The following GRAP variants were observed in gnomAD, a reference collection of about 807,000 sequenced individuals.
GRAP encodes the protein GRB2-related adapter protein.
GRAP carries 2 observed loss-of-function variants against 9.1 expected under a neutral mutation model. The observed-to-expected ratio is 0.22, with a 90% CI of 0.09 to 0.69. The LOEUF (loss-of-function observed/expected upper bound fraction) is 0.69. Among genes scored for constraint, GRAP ranks in the 30% least tolerant of loss-of-function variants. GRAP has a pLI of 0.81. For missense variants in GRAP, 113 were observed against 179.4 expected (o/e 0.63, Z 2.12); for synonymous variants, 68 against 73.6 (o/e 0.92, Z 0.39).
Position 19,021,791 on chromosome 17 carries a change from G to T in GRAP, c.*168C>A. On this transcript the variant is annotated 3_prime_UTR_variant, in exon 5 of 5. Transcript: ENST00000284154. This position sits in a 1 kb window ranked among gnomAD's most constrained non-coding sequence, Gnocchi z 4.1. The stretch of plus-strand genomic sequence containing the variant: ...CTGGGTACCCTTGCTGGGGGACCTG[G>T]GCCATCCCAGTTTGTGCAGAGCGGC... 1 of 580,326 alleles carries T rather than the reference G, an allele frequency of 1.7e-6. No homozygotes were observed. The highest frequency in any genetic ancestry group is 2.6e-6 in the Non-Finnish European group (1 of 384,548). 35.9% of individuals were successfully genotyped at this position (580,326 alleles called of 1,614,324 possible).
rs1223833935 is a variant in GRAP at position 19,027,488 on chromosome 17, A to G, written c.300-3105T>C. On this transcript the variant is annotated intron_variant, in intron 3 of 4. Coordinates refer to ENST00000284154, the MANE Select transcript of GRAP (RefSeq NM_006613.4). ...GACACATGCGCGCGCGCGCGCGCAC[A>G]CACACACACACACACACACACACAC... Among the ~76,000 whole-genome samples, 126 of 135,086 alleles carry G rather than the reference A, an allele frequency of 9.3e-4. 1 individual carries two copies. The highest frequency in any genetic ancestry group is 4.9e-3 in the East Asian group (20 of 4,092). The allele number at this position is 135,086 out of a possible 152,430, so 88.6% of individuals were successfully genotyped here. A position where few individuals can be genotyped will look rare whatever the true frequency, so the allele number is the denominator to read the frequency against.
In GRAP at chr17:19,021,036, C is replaced by T. The variant is rs2044257004; in HGVS notation, c.*923G>A. On this transcript the variant is annotated 3_prime_UTR_variant, in exon 5 of 5. Coordinates refer to ENST00000284154, the MANE Select transcript of GRAP (RefSeq NM_006613.4). The surrounding 1 kb of genome is among the most constrained non-coding windows in gnomAD (Gnocchi z 4.1). ...GCCCTGCTCATATCCCTGATCATGG[C>T]ACATTCTCTGGAGGACCCTCCTGTT... The T allele has an allele frequency of 6.5e-6, 1 of 152,896 alleles. No homozygotes were observed. The highest frequency in any genetic ancestry group is 1.5e-5 in the Non-Finnish European group (1 of 68,590). The allele number at this position is 152,896 out of a possible 1,614,324, so 9.5% of individuals were successfully genotyped here. A position where few individuals can be genotyped will look rare whatever the true frequency, so the allele number is the denominator to read the frequency against.
At chr17:19,030,513 G>A (rs986805304) in intron 3 of GRAP, 2 of 98,298 alleles carry the variant, frequency 2.0e-5, no homozygotes, top group Admixed American at 1.4e-4. Context: ...GAGCTTGGGA[G>A]GGGCAGGACA....
rs763368287 is a variant in GRAP, at chr17:19,021,954, G to C, written c.*5C>G. On this transcript the variant is annotated 3_prime_UTR_variant, in exon 5 of 5. Coordinates refer to ENST00000284154, the MANE Select transcript of GRAP (RefSeq NM_006613.4). The surrounding 1 kb of genome is among the most constrained non-coding windows in gnomAD (Gnocchi z 4.1). ...GCCCGTTGGCCAGATCGGCCGCCGGGCTGCTCACAGGTGCACGGGCTGCAC... is the reference window on the plus strand; with the variant it reads ...GCCCGTTGGCCAGATCGGCCGCCGGCCTGCTCACAGGTGCACGGGCTGCAC... The C allele has an allele frequency of 1.9e-5, 29 of 1,519,636 alleles. No homozygotes were observed. The highest frequency in any genetic ancestry group is 2.8e-5 in the African/African-American group (2 of 71,330). 94.1% of individuals were successfully genotyped at this position (1,519,636 alleles called of 1,614,324 possible).
intron 3 of GRAP, among the ~76,000 whole-genome samples, chr17:19,025,699 G>A (rs2044310363): frequency 8.2e-6 from 1 of 121,526 alleles, no homozygotes; most frequent in African/African-American, 3.3e-5. Flanking sequence ...TGCAAGCTCC[G>A]CCTCCCAGGT....
upstream of GRAP, among the ~76,000 whole-genome samples, chr17:19,048,139 G>A (rs1597931431): frequency 9.1e-6 from 1 of 109,534 alleles, no homozygotes; most frequent in Non-Finnish European, 1.9e-5. Flanking sequence ...CAGCCTGGGT[G>A]ACAGAGCGAG....
chr17:19,025,340 C>T (rs1478898342), intron 3 of GRAP, among the ~76,000 whole-genome samples: 4 of 150,662 alleles, frequency 2.7e-5, no homozygotes, highest in Non-Finnish European at 3.0e-5. Context: ...TACAGGTGCC[C>T]GCCACCACGC....
At chr17:19,031,999 G>C (rs1480804706) in intron 3 of GRAP, 1 of 150,184 alleles carries the variant, frequency 6.7e-6, no homozygotes, top group African/African-American at 2.4e-5. Context: ...CACTTGGCCA[G>C]TATGCCTTGG....
rs1228703453 is a variant in GRAP, at chr17:19,024,704, G to A, written c.300-321C>T. On this transcript the variant is annotated intron_variant, in intron 3 of 4. Coordinates refer to ENST00000284154, the MANE Select transcript of GRAP (RefSeq NM_006613.4). The surrounding 1 kb of genome is among the most constrained non-coding windows in gnomAD (Gnocchi z 4.2). ...ATGATAACATCTCCGTTATGGATAAGTGCACAGTGACTGGCATATTGGCAA... is the reference window on the plus strand; with the variant it reads ...ATGATAACATCTCCGTTATGGATAAATGCACAGTGACTGGCATATTGGCAA... Among the ~76,000 whole-genome samples, 2 of 152,198 alleles carry A rather than the reference G, an allele frequency of 1.3e-5. No homozygotes were observed. Among genetic ancestry groups the A allele is most frequent in the African/African-American group, 4.8e-5 (2 of 41,452 alleles).
At chr17:19,050,806 A>T (rs1443039806), upstream of GRAP, among the ~76,000 whole-genome samples, 1 of 151,938 alleles carries the variant, frequency 6.6e-6, no homozygotes, top group South Asian at 2.1e-4. Context: ...TTTTTGAGAC[A>T]GAGTTTTGCT....
At chr17:19,025,188 T>C (rs1348197270) in intron 3 of GRAP, among the ~76,000 whole-genome samples, 1 of 144,436 alleles carries the variant, frequency 6.9e-6, no homozygotes. Context: ...TTTTTTCTTT[T>C]CTTTTCTTTT....
At chr17:19,022,812 A>G (rs2044283476) in intron 4 of GRAP, among the ~76,000 whole-genome samples, 1 of 152,208 alleles carries the variant, frequency 6.6e-6, no homozygotes, top group Non-Finnish European at 1.5e-5. Context: ...GCCCACCAAG[A>G]TCTCAGCTCT....
chr17:19,025,198 T>TC (rs972717297), intron 3 of GRAP, among the ~76,000 whole-genome samples: 1 of 146,584 alleles, frequency 6.8e-6, no homozygotes, highest in Non-Finnish European at 1.5e-5. Flanking sequence ...TCTTTTCTTT[T>TC]TTTTTTTTTT....
upstream of GRAP, among the ~76,000 whole-genome samples, chr17:19,048,944 G>GC (rs1208414632): frequency 7.6e-5 from 11 of 145,052 alleles, 1 homozygote; most frequent in East Asian, 6.3e-4. Flanking sequence ...ATGTTATAAG[G>GC]CCCCTCTTTC....
At chr17:19,022,811 G>T (rs2044283410) in intron 4 of GRAP, among the ~76,000 whole-genome samples, 1 of 152,210 alleles carries the variant, frequency 6.6e-6, no homozygotes, top group African/African-American at 2.4e-5. Flanking sequence ...TGCCCACCAA[G>T]ATCTCAGCTC....
chr17:19,025,547 T>C (rs1383407780), intron 3 of GRAP, among the ~76,000 whole-genome samples: 4 of 126,242 alleles, frequency 3.2e-5, no homozygotes, highest in African/African-American at 9.1e-5. Flanking sequence ...CAGCCCACTA[T>C]CGCCAAATCG....
chr17:19,030,191 C>T (rs1410965684), intron 3 of GRAP, among the ~76,000 whole-genome samples: 1 of 130,440 alleles, frequency 7.7e-6, no homozygotes, highest in East Asian at 2.3e-4. Flanking sequence ...ATGCTGGCAG[C>T]AGCCAGTCCT....
chr17:19,025,375 G>A (rs2044307476), intron 3 of GRAP, among the ~76,000 whole-genome samples: 1 of 148,418 alleles, frequency 6.7e-6, no homozygotes, highest in South Asian at 2.2e-4. Context: ...GGTATTTTTA[G>A]TAGAGACGGG....
chr17:19,022,249 C>T, intron 4 of GRAP, 105 bp from the exon 5 acceptor site: 1 of 597,024 alleles, frequency 1.7e-6, no homozygotes, highest in Non-Finnish European at 2.8e-6. Flanking sequence ...GAGGAGGGGT[C>T]TCGGGCAGCA....
Sources: gnomAD v4.1 joint callset for allele counts (sites outside exome capture counted in the v4.1 genomes callset) on GRCh38, gnomAD v4.1.1 for gene constraint, Gnocchi (gnomAD v3.1) non-coding constraint, MANE v1.5 for transcripts, NCBI Gene and HGNC (gene_info 2026-07-23, HGNC 2026-07-21) for gene names.